The following EPHA6 variants were observed in gnomAD, a reference collection of about 807,000 sequenced individuals.
The protein encoded by EPHA6 is EPH receptor A6, also known as ephrin type-A receptor 6.
EPHA6 carries 50 observed loss-of-function variants against 112.0 expected under a neutral mutation model. The ratio of observed to expected loss-of-function variants is 0.45; its 90% CI spans 0.36 to 0.56. The LOEUF (loss-of-function observed/expected upper bound fraction) is 0.56, where lower values mean the gene tolerates loss of function less well. Among genes scored for constraint, EPHA6 ranks in the 20% least tolerant of loss-of-function variants. EPHA6 has a pLI of 0.00. For synonymous variants in EPHA6, 529 were observed against 490.7 expected (o/e 1.08, Z -1.03); for missense variants, 1,280 against 1,417.4 (o/e 0.90, Z 1.56).
chr3:97,157,676 C>T (rs2076320572), intron 3 of EPHA6, among the ~76,000 whole-genome samples: 1 of 152,020 alleles, frequency 6.6e-6, no homozygotes, highest in African/African-American at 2.4e-5. Flanking sequence ...GGCTCAAGAC[C>T]CGAGAGGAGC....
chr3:97,170,754 G>GA (rs10714526), intron 3 of EPHA6, among the ~76,000 whole-genome samples: 19 of 150,506 alleles, frequency 1.3e-4, no homozygotes, highest in African/African-American at 2.2e-4. Flanking sequence ...AAAAAGAAAA[G>GA]AAAAAAAAAG....
At chr3:97,371,189 A>T (rs1282775943) in intron 5 of EPHA6, among the ~76,000 whole-genome samples, 1 of 152,092 alleles carries the variant, frequency 6.6e-6, no homozygotes. Flanking sequence ...TAAAATTACA[A>T]TAGATGCAAG....
chr3:97,129,085 G>A (rs544574761), intron 3 of EPHA6, among the ~76,000 whole-genome samples: 1 of 151,864 alleles, frequency 6.6e-6, no homozygotes, highest in Non-Finnish European at 1.5e-5. Flanking sequence ...ATGTCGTCCA[G>A]GCTGGTTTAG....
rs1173058314 is a variant in EPHA6 at position 97,751,561 on chromosome 3, C to T, written c.*2860C>T. Among the ~76,000 whole-genome samples, 1 of 151,986 alleles carries T rather than the reference C, an allele frequency of 6.6e-6. No homozygotes were observed. Among genetic ancestry groups the T allele is most frequent in the Admixed American group, 6.6e-5 (1 of 15,256 alleles). On this transcript the variant is annotated 3_prime_UTR_variant, in exon 18 of 18. Coordinates refer to ENST00000389672, the MANE Select transcript of EPHA6 (RefSeq NM_001080448.3). ...GGATTTACTGCCTACCAATCATGGA[C>T]CCCATGATCCCAGGAATATTACAAT...
intron 5 of EPHA6, among the ~76,000 whole-genome samples, chr3:97,385,168 A>G (rs1426088809): frequency 6.6e-6 from 1 of 152,216 alleles, no homozygotes; most frequent in Non-Finnish European, 1.5e-5. Flanking sequence ...AACCATAAAA[A>G]TTAGTATCTT....
chr3:97,302,581 T>C (rs556127601), intron 5 of EPHA6, among the ~76,000 whole-genome samples: 2 of 151,738 alleles, frequency 1.3e-5, no homozygotes, highest in Non-Finnish European at 3.0e-5. Context: ...AAACACCATA[T>C]CAGGTGCCTT....
chr3:97,047,791 A>G (rs1474730486), intron 3 of EPHA6, among the ~76,000 whole-genome samples: 4 of 152,128 alleles, frequency 2.6e-5, no homozygotes, highest in Admixed American at 2.0e-4. Flanking sequence ...TTGGAGTAAT[A>G]ATTGCACTAA....
At position 97,182,385 on chromosome 3, in the gene EPHA6, T is replaced by C. The variant is rs548334181; in HGVS notation, c.1115-43879T>C. Among the ~76,000 whole-genome samples, 469 of 150,566 alleles carry C rather than the reference T, an allele frequency of 3.1e-3. 2 individuals are homozygous for C. Among genetic ancestry groups the C allele is most frequent in the Non-Finnish European group, 5.8e-3 (392 of 67,692 alleles). Reference sequence around the variant, plus strand: ...ATGTTTGTTTCATAATATATTATTATACTAATACACTTGCTTATTTAAAGG... The same window carrying C: ...ATGTTTGTTTCATAATATATTATTACACTAATACACTTGCTTATTTAAAGG... On this transcript the variant is annotated intron_variant, in intron 3 of 17. Coordinates refer to ENST00000389672, the MANE Select transcript of EPHA6 (RefSeq NM_001080448.3).
chr3:97,268,854 CTAT>C (rs369064315), intron 5 of EPHA6, among the ~76,000 whole-genome samples: 1 of 152,052 alleles, frequency 6.6e-6, no homozygotes, highest in Non-Finnish European at 1.5e-5. Context: ...TTAGTTTATA[CTAT>C]TATGAGTGAT....
chr3:97,718,882 A>G (rs1249679532), intron 14 of EPHA6, among the ~76,000 whole-genome samples: 1 of 152,108 alleles, frequency 6.6e-6, no homozygotes, highest in East Asian at 1.9e-4. Context: ...TATGGTGAGA[A>G]ATTTCTAAAC....
chr3:97,520,359 G>A (rs2092521069), intron 10 of EPHA6, among the ~76,000 whole-genome samples: 1 of 152,066 alleles, frequency 6.6e-6, no homozygotes, highest in African/African-American at 2.4e-5. Context: ...TTTGTTTCCA[G>A]GTGTAGACCT....
At chr3:97,618,954 C>T (rs1321346858) in intron 13 of EPHA6, among the ~76,000 whole-genome samples, 2 of 151,862 alleles carry the variant, frequency 1.3e-5, no homozygotes, top group Non-Finnish European at 2.9e-5. Flanking sequence ...GGCAGCAATA[C>T]AACAAAAAAG....
At chr3:97,637,675 T>C (rs1436476908) in intron 13 of EPHA6, among the ~76,000 whole-genome samples, 198 bp from the exon 14 acceptor site, 1 of 152,220 alleles carries the variant, frequency 6.6e-6, no homozygotes, top group African/African-American at 2.4e-5. Flanking sequence ...TGTCCTTCAC[T>C]ACTTCCAGTT....
chr3:97,452,031 A>G (rs2090546295), intron 7 of EPHA6, among the ~76,000 whole-genome samples: 1 of 151,922 alleles, frequency 6.6e-6, no homozygotes, highest in African/African-American at 2.4e-5. Flanking sequence ...TTCAACTTTG[A>G]CTTTGCTAAT....
intron 1 of EPHA6, among the ~76,000 whole-genome samples, chr3:96,828,772 G>A (rs555326085): frequency 2.8e-4 from 42 of 152,152 alleles, no homozygotes; most frequent in Non-Finnish European, 4.3e-4. Context: ...TTCCTAATAC[G>A]TTTTGGTGGT....
At position 97,324,421 on chromosome 3, in the gene EPHA6, C is replaced by CTTTCCTTCT. The variant is rs1553746292; in HGVS notation, c.1606+80138_1606+80139insCTTCTTTTC. On this transcript the variant is annotated intron_variant, in intron 5 of 17. Transcript: ENST00000389672. ...CTTTCCTTCTTTTCTTTCTTTCTTT[C>CTTTCCTTCT]TTTCTTTCTTTCTTTCTTTCTTTCT... 7.9e-5 allele frequency among the ~76,000 whole-genome samples: 11 copies of CTTTCCTTCT among 139,996 alleles called. 1 individual carries two copies. Among genetic ancestry groups the CTTTCCTTCT allele is most frequent in the African/African-American group, 2.8e-4 (10 of 35,778 alleles). 91.8% of individuals were successfully genotyped at this position (139,996 alleles called of 152,430 possible).
Position 96,996,933 on chromosome 3 carries a change from T to C in EPHA6, c.1114+8940T>C, listed in dbSNP as rs562463252. On this transcript the variant is annotated intron_variant, in intron 3 of 17. Coordinates refer to ENST00000389672, the MANE Select transcript of EPHA6 (RefSeq NM_001080448.3). ...TTACAAAAGGATTGTTACATCTACA[T>C]TGAAACCCTAAATGTGGCCACCTTC... is the stretch of plus-strand genomic sequence containing the variant. Among the ~76,000 whole-genome samples the C allele has an allele frequency of 5.3e-5, 8 of 152,166 alleles. No individual in the cohort carries two copies. In the East Asian group the frequency reaches 5.8e-4, roughly 11 times the overall value.
At chr3:97,505,213 A>C (rs1368201212) in intron 10 of EPHA6, among the ~76,000 whole-genome samples, 2 of 152,120 alleles carry the variant, frequency 1.3e-5, no homozygotes, top group African/African-American at 4.8e-5. Flanking sequence ...ATTATACTTT[A>C]AGTTCTGGGA....
chr3:97,598,315 G>T (rs1442045167), intron 12 of EPHA6, among the ~76,000 whole-genome samples: 2 of 151,026 alleles, frequency 1.3e-5, no homozygotes, highest in African/African-American at 4.9e-5. Context: ...TGCACATTGT[G>T]CAGGTTAATT....
Sources: gnomAD v4.1 joint callset for allele counts (sites outside exome capture counted in the v4.1 genomes callset) on GRCh38, gnomAD v4.1.1 for gene constraint, MANE v1.5 for transcripts, NCBI Gene and HGNC (gene_info 2026-07-23, HGNC 2026-07-21) for gene names.